FAM13A: variants seen among roughly 807,000 people sequenced by gnomAD.
FAM13A encodes protein FAM13A.
In FAM13A, 76 loss-of-function variants were observed where a neutral mutation model predicts 129.6. The ratio of observed to expected loss-of-function variants is 0.59; its 90% confidence interval spans 0.49 to 0.71. The LOEUF is 0.71. FAM13A is among the 30% of genes least tolerant of loss of function. The probability of loss-of-function intolerance (pLI) is 0.00; values close to 1 mark genes in which losing one functional copy is unlikely to be tolerated. For missense variants in FAM13A, 1,108 were observed against 1,249.3 expected, an observed-to-expected ratio of 0.89 and a Z score of 1.70; for synonymous variants, 443 against 449.9, an observed-to-expected ratio of 0.98 and a Z score of 0.20.
chr4:88,988,699 A>G (rs569829058), intron 4 of FAM13A, among the ~76,000 whole-genome samples: 1 of 152,314 alleles, frequency 6.6e-6, no homozygotes, highest in South Asian at 2.1e-4. Flanking sequence ...AAATATGAAA[A>G]TAGGAGTTAA....
At chr4:88,953,461 A>G (rs1361522613) in intron 4 of FAM13A, among the ~76,000 whole-genome samples, 1 of 151,980 alleles carries the variant, frequency 6.6e-6, no homozygotes, top group Non-Finnish European at 1.5e-5. Flanking sequence ...TCTCAAAAAC[A>G]AACAAACAAA....
At chr4:88,968,467 G>T (rs979744594) in intron 4 of FAM13A, among the ~76,000 whole-genome samples, 1 of 152,068 alleles carries the variant, frequency 6.6e-6, no homozygotes. Context: ...CTATGACCGA[G>T]AATCAGGAGG....
At chr4:88,762,715 C>T (rs1272231451) in intron 13 of FAM13A, among the ~76,000 whole-genome samples, 1 of 151,970 alleles carries the variant, frequency 6.6e-6, no homozygotes. Context: ...AAGCACCTTG[C>T]CCAGTTGCTC....
intron 6 of FAM13A, among the ~76,000 whole-genome samples, chr4:88,863,632 A>C (rs980047058): frequency 3.3e-5 from 5 of 152,188 alleles, no homozygotes; most frequent in Admixed American, 2.6e-4. Context: ...ACTTGCGGGG[A>C]CTATGCTAAT....
chr4:88,838,197 G>A (rs947804687), intron 7 of FAM13A, among the ~76,000 whole-genome samples: 1 of 151,856 alleles, frequency 6.6e-6, no homozygotes, highest in African/African-American at 2.4e-5. Context: ...CCTACCCCCA[G>A]GGATATACCT....
At chr4:89,027,922 TG>T (rs1768179423) in intron 2 of FAM13A, among the ~76,000 whole-genome samples, 1 of 151,766 alleles carries the variant, frequency 6.6e-6, no homozygotes, top group African/African-American at 2.4e-5. Context: ...GATGAATTGG[TG>T]GCCGGGTGCA....
chr4:88,793,111 G>A (rs374456382), intron 8 of FAM13A, among the ~76,000 whole-genome samples: 7 of 152,004 alleles, frequency 4.6e-5, no homozygotes, highest in African/African-American at 1.7e-4. Context: ...GTTTGTGGAA[G>A]ACACTGAGTG....
At chr4:88,817,966 C>T (rs551407968) in intron 7 of FAM13A, among the ~76,000 whole-genome samples, 70 of 152,204 alleles carry the variant, frequency 4.6e-4, no homozygotes, top group Middle Eastern at 6.8e-3. Flanking sequence ...CAAAACAAAA[C>T]CCACAAAACC....
intron 2 of FAM13A, among the ~76,000 whole-genome samples, chr4:89,023,367 A>C (rs1490692208): frequency 6.6e-6 from 1 of 151,998 alleles, no homozygotes; most frequent in Non-Finnish European, 1.5e-5. Context: ...CCAGCTGCTT[A>C]ACCTAATCTT....
chr4:88,845,570 A>C (rs1736502629), intron 7 of FAM13A, among the ~76,000 whole-genome samples: 1 of 152,180 alleles, frequency 6.6e-6, no homozygotes. Context: ...TCTGTGAAGC[A>C]CCACAATACA....
chr4:88,854,527 T>C (rs890071726), intron 6 of FAM13A, among the ~76,000 whole-genome samples: 1 of 152,226 alleles, frequency 6.6e-6, no homozygotes, highest in African/African-American at 2.4e-5. Context: ...ACACTTTGCT[T>C]CTTTCTTTTA....
At chr4:88,990,232 G>T (rs368091165) in intron 4 of FAM13A, 2 of 152,270 alleles carry the variant, frequency 1.3e-5, no homozygotes, top group African/African-American at 4.8e-5. Flanking sequence ...GTTCTGGGCA[G>T]CTGAATAAGC....
At chr4:88,814,394 G>C (rs1451261703) in intron 7 of FAM13A, among the ~76,000 whole-genome samples, 3 of 151,754 alleles carry the variant, frequency 2.0e-5, no homozygotes, top group African/African-American at 4.8e-5. Flanking sequence ...GAGAGAGACA[G>C]AGAGAGAGAG....
chr4:88,735,680 A>G (rs1182891334), intron 21 of FAM13A, among the ~76,000 whole-genome samples: 2 of 152,186 alleles, frequency 1.3e-5, no homozygotes, highest in African/African-American at 2.4e-5. Context: ...CAAATTCTAA[A>G]CTGGAATTGC....
At chr4:88,861,451 C>A (rs1312351485) in intron 6 of FAM13A, among the ~76,000 whole-genome samples, 1 of 150,394 alleles carries the variant, frequency 6.6e-6, no homozygotes, top group Admixed American at 6.6e-5. Flanking sequence ...ATAGACTGGG[C>A]ACATAATAAA....
intron 3 of FAM13A, among the ~76,000 whole-genome samples, chr4:89,005,396 T>C (rs537747160): frequency 9.8e-4 from 150 of 152,338 alleles, no homozygotes; most frequent in African/African-American, 3.4e-3. Context: ...TGTGTCTTTA[T>C]GGTAAAATGA....
intron 6 of FAM13A, among the ~76,000 whole-genome samples, chr4:88,871,605 A>C (rs963572508): frequency 6.6e-6 from 1 of 152,228 alleles, no homozygotes; most frequent in African/African-American, 2.4e-5. Context: ...AAAAAAGAGT[A>C]AAAAGAAACA....
chr4:89,038,312 G>T (rs1769659418), intron 1 of FAM13A, among the ~76,000 whole-genome samples: 1 of 152,192 alleles, frequency 6.6e-6, no homozygotes, highest in South Asian at 2.1e-4. Flanking sequence ...GTTAAATTCA[G>T]AACCATGTGC....
chr4:88,963,438 T>G (rs1045356362), intron 4 of FAM13A, among the ~76,000 whole-genome samples: 3 of 151,948 alleles, frequency 2.0e-5, no homozygotes, highest in Non-Finnish European at 4.4e-5. Context: ...GCTAGGATTA[T>G]AGGCACCTGC....
Sources: gnomAD v4.1 joint callset for allele counts (sites outside exome capture counted in the v4.1 genomes callset) on GRCh38, gnomAD v4.1.1 for gene constraint, MANE v1.5 for transcripts, NCBI Gene and HGNC (gene_info 2026-07-23, HGNC 2026-07-21) for gene names.